Variants in RALGAPA2 observed in about 807,000 individuals in gnomAD.
The protein encoded by RALGAPA2 is Ral GTPase activating protein catalytic subunit alpha 2.
RALGAPA2 carries 139 observed loss-of-function variants against 230.4 expected under a neutral mutation model. The observed-to-expected ratio is 0.60, with a 90% CI of 0.53 to 0.69. The LOEUF (loss-of-function observed/expected upper bound fraction) is 0.69, where lower values mean the gene tolerates loss of function less well. RALGAPA2 is among the 30% of genes least tolerant of loss of function. RALGAPA2 has a pLI of 0.00. For synonymous variants in RALGAPA2, 847 were observed against 837.8 expected (o/e 1.01, Z -0.19); for missense variants, 2,163 against 2,276.0 (o/e 0.95, Z 1.01).
At chr20:20,674,528 C>A (rs985780265) in intron 3 of RALGAPA2, among the ~76,000 whole-genome samples, 1 of 152,090 alleles carries the variant, frequency 6.6e-6, no homozygotes, top group African/African-American at 2.4e-5. Flanking sequence ...TGACTCAGGG[C>A]GGAAAGCAGA....
rs568220909 is a variant in RALGAPA2 at position 20,547,338 on chromosome 20, C to G, written c.3157-506G>C. Among the ~76,000 whole-genome samples the G allele has an allele frequency of 2.0e-5, 3 of 152,298 alleles. No homozygotes were observed. In the South Asian group the frequency reaches 6.2e-4, roughly 32 times the overall value. On this transcript the variant is annotated intron_variant, in intron 23 of 39. Coordinates refer to ENST00000202677, the MANE Select transcript of RALGAPA2 (RefSeq NM_020343.4). ...CAGAGTGCTAAGGTGACGTTGTAAT[C>G]AGTGAAATGCTAAGGTCAGGGAAAC... is the stretch of plus-strand genomic sequence containing the variant.
intron 14 of RALGAPA2, among the ~76,000 whole-genome samples, chr20:20,608,345 C>T (rs1023988140): frequency 5.3e-5 from 8 of 152,168 alleles, no homozygotes; most frequent in African/African-American, 1.9e-4. Context: ...GAGCTTCAAG[C>T]ATAAGGTCAT....
chr20:20,477,132 G>C (rs2061671703), intron 36 of RALGAPA2, among the ~76,000 whole-genome samples: 1 of 152,116 alleles, frequency 6.6e-6, no homozygotes, highest in African/African-American at 2.4e-5. Flanking sequence ...TTTGATCTGG[G>C]GTGGTATTAC....
At position 20,503,973 on chromosome 20, in the gene RALGAPA2, ACCACTTT is replaced by A. The variant is rs1452462559; in HGVS notation, c.5053-474_5053-468del. Among the ~76,000 whole-genome samples the A allele has an allele frequency of 1.2e-3, 183 of 152,328 alleles. 1 individual carries two copies. The highest frequency in any genetic ancestry group is 4.3e-3 in the African/African-American group (177 of 41,580). ...AACTGCCTTTCAAAAGGGTTGAACA[ACCACTTT>A]ACACCACTGCCGAAAGTTTATGAGT... On this transcript the variant is annotated intron_variant, in intron 34 of 39. Coordinates refer to ENST00000202677, the MANE Select transcript of RALGAPA2 (RefSeq NM_020343.4).
At chr20:20,683,513 T>C (rs1357915360) in intron 1 of RALGAPA2, among the ~76,000 whole-genome samples, 1 of 152,196 alleles carries the variant, frequency 6.6e-6, no homozygotes, top group African/African-American at 2.4e-5. Flanking sequence ...ATTCTTTCCA[T>C]TCCCCAAACT....
intron 16 of RALGAPA2, among the ~76,000 whole-genome samples, chr20:20,596,873 G>A (rs998710929): frequency 6.6e-6 from 1 of 152,164 alleles, no homozygotes; most frequent in Non-Finnish European, 1.5e-5. Context: ...CAGCATCCCT[G>A]ACTTCCATCC....
intron 31 of RALGAPA2, among the ~76,000 whole-genome samples, chr20:20,520,311 C>T (rs1245238175): frequency 6.6e-6 from 1 of 152,114 alleles, no homozygotes; most frequent in Admixed American, 6.5e-5. Context: ...ACATTCTACT[C>T]CCATTCCAAG....
In RALGAPA2 at chr20:20,513,288, T is replaced by A; in HGVS notation, c.4085-4A>T. 7.1e-7 allele frequency: 1 copy of A among 1,414,104 alleles called. No individual in the cohort carries two copies. The highest frequency in any genetic ancestry group is 1.9e-5 in the South Asian group (1 of 51,710). The allele number at this position is 1,414,104 out of a possible 1,614,324, so 87.6% of individuals were successfully genotyped here. ...TCCAAACTTCTTCTCTTCTTCTCTG[T>A]AAACAGCGGTAAAGAAACATAAAGA... On this transcript the variant is annotated splice_region_variant and splice_polypyrimidine_tract_variant and intron_variant, in intron 31 of 39. Transcript: ENST00000202677.
At chr20:20,619,455 C>T (rs1377025100) in intron 11 of RALGAPA2, 41 bp from the exon 12 acceptor site, 7 of 1,435,090 alleles carry the variant, frequency 4.9e-6, no homozygotes, top group Non-Finnish European at 5.6e-6. Context: ...GGAAGATGCA[C>T]GTGTTTAACT....
At position 20,605,095 on chromosome 20, in the gene RALGAPA2, G is replaced by A. The variant is rs1034223314; in HGVS notation, c.2038+80C>T. ...GGTTCAGTTCATTATAAAATTTCGC[G>A]CATTAATTGCTTAGTCATACAAATA... is the stretch of plus-strand genomic sequence containing the variant. On this transcript the variant is annotated intron_variant, in intron 15 of 39. Coordinates refer to ENST00000202677, the MANE Select transcript of RALGAPA2 (RefSeq NM_020343.4). The A allele has an allele frequency of 2.7e-5, 33 of 1,204,120 alleles. No homozygotes were observed. In the South Asian group the frequency reaches 3.5e-4, roughly 13 times the overall value. The allele number at this position is 1,204,120 out of a possible 1,614,324, so 74.6% of individuals were successfully genotyped here.
chr20:20,601,300 CT>C (rs1362480168), intron 16 of RALGAPA2, among the ~76,000 whole-genome samples: 3 of 152,152 alleles, frequency 2.0e-5, no homozygotes, highest in African/African-American at 7.2e-5. Flanking sequence ...TGAAATTCTC[CT>C]TTTCTTTGCT....
At chr20:20,594,241 A>C (rs2065380578) in intron 16 of RALGAPA2, among the ~76,000 whole-genome samples, 4 of 152,186 alleles carry the variant, frequency 2.6e-5, no homozygotes. Context: ...TTTTATATTA[A>C]ATACATGTTT....
At chr20:20,422,339 C>T (rs2060294316) in intron 37 of RALGAPA2, among the ~76,000 whole-genome samples, 1 of 152,092 alleles carries the variant, frequency 6.6e-6, no homozygotes, top group African/African-American at 2.4e-5. Flanking sequence ...TGGCTCACCC[C>T]TGTAATCCCC....
chr20:20,493,313 A>G (rs983371465), intron 36 of RALGAPA2, among the ~76,000 whole-genome samples: 8 of 152,222 alleles, frequency 5.3e-5, no homozygotes, highest in Admixed American at 4.6e-4. Context: ...GGATAATACT[A>G]AATTTCCAGT....
chr20:20,709,293 T>G (rs2069745386), intron 1 of RALGAPA2, among the ~76,000 whole-genome samples: 1 of 150,874 alleles, frequency 6.6e-6, no homozygotes. Flanking sequence ...CACTCCAGCG[T>G]GGGTAACAGA....
chr20:20,483,478 G>A (rs527296804), intron 36 of RALGAPA2, among the ~76,000 whole-genome samples: 20 of 152,226 alleles, frequency 1.3e-4, no homozygotes, highest in Admixed American at 3.3e-4. Context: ...AAGGACAGTC[G>A]CCCTGAGAAG....
intron 35 of RALGAPA2, among the ~76,000 whole-genome samples, chr20:20,501,743 T>C (rs1022891910): frequency 6.6e-6 from 1 of 152,242 alleles, no homozygotes; most frequent in Non-Finnish European, 1.5e-5. Context: ...GCTTTCAACA[T>C]GCCTTCTAAT....
chr20:20,449,645 CTT>C (rs11476736), intron 37 of RALGAPA2, among the ~76,000 whole-genome samples: 2 of 150,286 alleles, frequency 1.3e-5, no homozygotes, highest in Admixed American at 6.6e-5. Flanking sequence ...AAGCCCTTAA[CTT>C]TTTTTTTTCC....
chr20:20,411,999 G>A (rs1319707662), intron 38 of RALGAPA2, 28 bp downstream of exon 38: 10 of 1,613,432 alleles, frequency 6.2e-6, no homozygotes, highest in African/African-American at 1.3e-5. Context: ...TCTTAAGCGC[G>A]TGAGAGAAGA....
Sources: allele counts gnomAD v4.1 joint callset (sites outside exome capture counted in the v4.1 genomes callset), GRCh38; gene constraint gnomAD v4.1.1; transcripts MANE v1.5; gene names NCBI Gene and HGNC (gene_info 2026-07-23, HGNC 2026-07-21).